NRXN1: variants seen among roughly 807,000 people sequenced by gnomAD.
NRXN1 encodes neurexin-1.
Under a neutral mutation model 150.9 loss-of-function variants are expected in NRXN1, and 39 were observed. The observed-to-expected ratio is 0.26, with a 90% CI of 0.20 to 0.34. NRXN1 has a LOEUF of 0.34. NRXN1 is among the 10% of genes least tolerant of loss of function. The pLI, the probability that NRXN1 is intolerant of heterozygous loss-of-function variation, is 1.00. For synonymous variants in NRXN1, 924 were observed against 757.0 expected (o/e 1.22, Z -3.62); for missense variants, 1,815 against 1,949.9 (o/e 0.93, Z 1.30).
At chr2:49,937,600 A>C (rs1671269282) in intron 22 of NRXN1, among the ~76,000 whole-genome samples, 1 of 152,180 alleles carries the variant, frequency 6.6e-6, no homozygotes. Flanking sequence ...ATCAGTTTCC[A>C]ACTCCAGCTG....
intron 17 of NRXN1, among the ~76,000 whole-genome samples, chr2:50,445,991 A>G (rs1224229198): frequency 6.6e-6 from 1 of 152,132 alleles, no homozygotes; most frequent in African/African-American, 2.4e-5. Flanking sequence ...CATAAACTGC[A>G]AGGCCTGGTT....
intron 21 of NRXN1, among the ~76,000 whole-genome samples, chr2:49,949,626 GATTT>G (rs1673569645): frequency 6.6e-6 from 1 of 151,708 alleles, no homozygotes; most frequent in Non-Finnish European, 1.5e-5. Context: ...AAATAAACCC[GATTT>G]ATTCTAAAAT....
chr2:50,509,121 G>A (rs573335475), intron 12 of NRXN1, among the ~76,000 whole-genome samples: 23 of 152,228 alleles, frequency 1.5e-4, no homozygotes, highest in African/African-American at 4.3e-4. Flanking sequence ...ACTACTTGTC[G>A]CCAGGTCACA....
intron 5 of NRXN1, among the ~76,000 whole-genome samples, chr2:50,883,139 T>C (rs1005619591): frequency 1.3e-5 from 2 of 151,882 alleles, no homozygotes; most frequent in African/African-American, 4.8e-5. Context: ...TCTGAAAGTC[T>C]TGACCTTTGT....
chr2:50,561,019 C>A (rs1213852537), intron 8 of NRXN1, among the ~76,000 whole-genome samples: 1 of 152,076 alleles, frequency 6.6e-6, no homozygotes, highest in African/African-American at 2.4e-5. Context: ...TTTGTTTACA[C>A]AACAAAGAGA....
chr2:50,460,774 T>G (rs1395322321), intron 17 of NRXN1, among the ~76,000 whole-genome samples: 4 of 152,036 alleles, frequency 2.6e-5, no homozygotes, highest in African/African-American at 2.4e-5. Flanking sequence ...TTCCCCATAG[T>G]TTTTTTAAGG....
At chr2:50,696,251 G>A (rs868443275) in intron 5 of NRXN1, 9 of 150,194 alleles carry the variant, frequency 6.0e-5, no homozygotes, top group Admixed American at 2.7e-4. Flanking sequence ...ACACACACAC[G>A]TATATCACAG....
intron 18 of NRXN1, among the ~76,000 whole-genome samples, chr2:50,206,782 G>A (rs2152839401): frequency 6.6e-6 from 1 of 150,702 alleles, no homozygotes; most frequent in Non-Finnish European, 1.5e-5. Context: ...AACATATATA[G>A]TATATATTTA....
intron 5 of NRXN1, among the ~76,000 whole-genome samples, chr2:50,878,484 A>G (rs1447812324): frequency 1.3e-5 from 2 of 151,814 alleles, no homozygotes; most frequent in Non-Finnish European, 2.9e-5. Context: ...TCCAGTTTCT[A>G]TTTTGTTTTT....
At chr2:50,438,962 A>G (rs1031382475) in intron 17 of NRXN1, among the ~76,000 whole-genome samples, 9 of 152,208 alleles carry the variant, frequency 5.9e-5, no homozygotes, top group African/African-American at 2.2e-4. Context: ...GTCACTATGG[A>G]AAGTTGCCAC....
chr2:50,913,141 T>G (rs1229113623), intron 5 of NRXN1: 1 of 151,840 alleles, frequency 6.6e-6, no homozygotes, highest in African/African-American at 2.4e-5. Flanking sequence ...GAAAGACAGC[T>G]GTTAAAAGCC....
rs78691803 is a variant in NRXN1 at position 50,757,114 on chromosome 2, T to C, written c.833-133499A>G. On this transcript the variant is annotated intron_variant, in intron 5 of 22. Transcript: ENST00000401669. Reference sequence around the variant, plus strand: ...TGACAGAATTTCTATATTAAGAGAGTATGTGGAGACAAATAGTGCCTCTCA... The same window carrying C: ...TGACAGAATTTCTATATTAAGAGAGCATGTGGAGACAAATAGTGCCTCTCA... 8.6e-3 allele frequency among the ~76,000 whole-genome samples: 1,299 copies of C among 151,896 alleles called. 15 individuals carry two copies. Among genetic ancestry groups the C allele is most frequent in the African/African-American group, 0.029 (1,219 of 41,474 alleles).
intron 15 of NRXN1, among the ~76,000 whole-genome samples, chr2:50,489,356 C>T (rs2091096751): frequency 6.6e-6 from 1 of 152,144 alleles, no homozygotes; most frequent in Admixed American, 6.5e-5. Context: ...TACCAATCTC[C>T]ATCTTGGGCC....
At chr2:50,321,557 CA>C in intron 17 of NRXN1, among the ~76,000 whole-genome samples, 1 of 151,960 alleles carries the variant, frequency 6.6e-6, no homozygotes, top group South Asian at 2.1e-4. Context: ...CATAAAGTTA[CA>C]AAATGAACAT....
intron 5 of NRXN1, among the ~76,000 whole-genome samples, chr2:50,857,521 A>C (rs1369352902): frequency 6.6e-6 from 1 of 152,112 alleles, no homozygotes; most frequent in Non-Finnish European, 1.5e-5. Context: ...GGAGAGCTTA[A>C]ACAGAAAAAT....
chr2:50,497,746 T>C lies in NRXN1; in HGVS notation c.2498-32A>G, dbSNP rs200906644. On this transcript the variant is annotated intron_variant, in intron 13 of 22. Transcript: ENST00000401669. ...GAGAAGATAATATATGATTATTTTCTGTATCTGAAAGGCACTTTCAACTTT... is the reference window on the plus strand; with the variant it reads ...GAGAAGATAATATATGATTATTTTCCGTATCTGAAAGGCACTTTCAACTTT... 4.5e-6 allele frequency: 7 copies of C among 1,557,676 alleles called. No individual in the cohort carries two copies. The Admixed American group carries it at 7.7e-5, about 17-fold the overall frequency.
intron 17 of NRXN1, among the ~76,000 whole-genome samples, chr2:50,271,779 A>G (rs1252518845): frequency 2.0e-5 from 3 of 149,686 alleles, no homozygotes; most frequent in African/African-American, 7.6e-5. Context: ...ATTTTGGTGA[A>G]TAACAGTACA....
chr2:50,295,169 A>T (rs1304210490), intron 17 of NRXN1, among the ~76,000 whole-genome samples: 1 of 152,172 alleles, frequency 6.6e-6, no homozygotes, highest in Non-Finnish European at 1.5e-5. Context: ...TTGAGGGTAC[A>T]ATAGCATGTG....
Position 50,209,828 on chromosome 2 carries a change from G to T in NRXN1, c.3546+26961C>A, listed in dbSNP as rs576134595. ...AAAAAATAAAATGAGAAATGTCATAGATTTAAATCTCAGTTGTACTTAAAG... is the reference window on the plus strand; with the variant it reads ...AAAAAATAAAATGAGAAATGTCATATATTTAAATCTCAGTTGTACTTAAAG... On this transcript the variant is annotated intron_variant, in intron 18 of 22. Coordinates refer to ENST00000401669, the MANE Select transcript of NRXN1 (RefSeq NM_001330078.2). Among the ~76,000 whole-genome samples, 24 of 100,200 alleles carry T rather than the reference G, an allele frequency of 2.4e-4. No homozygotes were observed. In the East Asian group the frequency reaches 9.2e-3, roughly 39 times the overall value. 65.7% of individuals were successfully genotyped at this position (100,200 alleles called of 152,430 possible).
Sources: gnomAD v4.1 joint callset for allele counts (sites outside exome capture counted in the v4.1 genomes callset) on GRCh38, gnomAD v4.1.1 for gene constraint, MANE v1.5 for transcripts, NCBI Gene and HGNC (gene_info 2026-07-23, HGNC 2026-07-21) for gene names.